SLC35F3: variants seen among roughly 807,000 people sequenced by gnomAD.
SLC35F3 encodes solute carrier family 35 member F3.
SLC35F3 carries 25 observed loss-of-function variants against 49.9 expected under a neutral mutation model. That is an observed-to-expected ratio of 0.50 (90% CI 0.37 to 0.70). SLC35F3 has a LOEUF of 0.70. SLC35F3 is among the 30% of genes least tolerant of loss of function. SLC35F3 has a pLI of 0.00. For missense variants in SLC35F3, 525 were observed against 639.8 expected, an observed-to-expected ratio of 0.82 and a Z score of 1.94; for synonymous variants, 275 against 265.4, an observed-to-expected ratio of 1.04 and a Z score of -0.35.
At position 234,106,417 on chromosome 1, in the gene SLC35F3, G is replaced by A. The variant is rs184058373; in HGVS notation, c.284-125000G>A. Among the ~76,000 whole-genome samples the A allele has an allele frequency of 7.7e-4, 117 of 152,348 alleles. No homozygotes were observed. In the East Asian group the frequency reaches 0.013, roughly 16 times the overall value. On this transcript the variant is annotated intron_variant, in intron 2 of 7. Coordinates refer to ENST00000366618, the MANE Select transcript of SLC35F3 (RefSeq NM_173508.4). The stretch of plus-strand genomic sequence containing the variant: ...GGTGGTTTAAACAACACACCTTTAT[G>A]TCTTCACAATTCTGGAGGCTGGAAG...
At chr1:234,195,888 A>G (rs547589259) in intron 2 of SLC35F3, among the ~76,000 whole-genome samples, 1 of 152,176 alleles carries the variant, frequency 6.6e-6, no homozygotes, top group African/African-American at 2.4e-5. Context: ...CCTGGCTTTC[A>G]TTCTCTCTCT....
chr1:234,103,900 A>C (rs1374346039), intron 2 of SLC35F3, among the ~76,000 whole-genome samples: 1 of 152,200 alleles, frequency 6.6e-6, no homozygotes, highest in East Asian at 1.9e-4. Flanking sequence ...CAAGTCATCC[A>C]CCGTGTTCTT....
rs142268994 is a variant in SLC35F3, at chr1:234,307,524, T to C, written c.609-1577T>C. Among the ~76,000 whole-genome samples, 65 of 152,360 alleles carry C rather than the reference T, an allele frequency of 4.3e-4. No homozygotes were observed. The East Asian group carries it at 0.012, about 27-fold the overall frequency. On this transcript the variant is annotated intron_variant, in intron 3 of 7. Coordinates refer to ENST00000366618, the MANE Select transcript of SLC35F3 (RefSeq NM_173508.4). ...AGGAAGACTAGACAGTAAAATTAAA[T>C]TTAAAATCTTACCCAATCCCCTTTG...
chr1:234,136,429 G>A (rs569790508), intron 2 of SLC35F3, among the ~76,000 whole-genome samples: 1 of 150,538 alleles, frequency 6.6e-6, no homozygotes, highest in Non-Finnish European at 1.5e-5. Flanking sequence ...TGGGCTGGCT[G>A]TGAACTTCTG....
intron 2 of SLC35F3, among the ~76,000 whole-genome samples, chr1:233,993,785 A>G (rs1413334989): frequency 6.6e-6 from 1 of 152,028 alleles, no homozygotes; most frequent in Non-Finnish European, 1.5e-5. Flanking sequence ...TGCACTGGTG[A>G]CTCTGTATCT....
intron 2 of SLC35F3, among the ~76,000 whole-genome samples, chr1:233,976,964 T>G (rs780192430): frequency 6.6e-6 from 1 of 152,246 alleles, no homozygotes; most frequent in Non-Finnish European, 1.5e-5. Context: ...GGTAGCCTTT[T>G]GACAATTGCT....
chr1:234,253,306 A>G (rs544395542), intron 3 of SLC35F3, among the ~76,000 whole-genome samples: 58 of 152,220 alleles, frequency 3.8e-4, no homozygotes, highest in African/African-American at 1.3e-3. Flanking sequence ...AGCCTGGGCA[A>G]CAAGAGCAAA....
At chr1:233,994,200 T>C (rs185099564) in intron 2 of SLC35F3, among the ~76,000 whole-genome samples, 9 of 152,304 alleles carry the variant, frequency 5.9e-5, no homozygotes, top group Admixed American at 3.9e-4. Flanking sequence ...TAATGATAGA[T>C]AGATAAAATC....
intron 3 of SLC35F3, among the ~76,000 whole-genome samples, chr1:234,268,238 C>T (rs1244486778): frequency 2.6e-5 from 4 of 152,150 alleles, no homozygotes; most frequent in Admixed American, 6.5e-5. Context: ...GGATCACTCG[C>T]GATTAGGAGC....
intron 2 of SLC35F3, among the ~76,000 whole-genome samples, chr1:234,188,501 G>C (rs866627533): frequency 2.6e-5 from 4 of 152,002 alleles, no homozygotes; most frequent in Non-Finnish European, 5.9e-5. Context: ...CAATTCTATT[G>C]ACCTGGAACC....
intron 2 of SLC35F3, among the ~76,000 whole-genome samples, chr1:234,169,191 G>C (rs1666361982): frequency 6.6e-6 from 1 of 152,140 alleles, no homozygotes; most frequent in Non-Finnish European, 1.5e-5. Context: ...TCGGTGGATT[G>C]GAGGATGCCC....
intron 2 of SLC35F3, among the ~76,000 whole-genome samples, chr1:234,065,815 T>C (rs1361354104): frequency 6.6e-6 from 1 of 152,232 alleles, no homozygotes; most frequent in African/African-American, 2.4e-5. Context: ...TTTAGATGAG[T>C]GTACTTCCAT....
intron 2 of SLC35F3, among the ~76,000 whole-genome samples, chr1:234,051,843 G>T (rs187118190): frequency 6.6e-6 from 1 of 152,086 alleles, no homozygotes; most frequent in Non-Finnish European, 1.5e-5. Flanking sequence ...AGAGTTTTTC[G>T]CATGAAGCAC....
intron 2 of SLC35F3, among the ~76,000 whole-genome samples, chr1:233,982,842 A>G (rs1663207841): frequency 6.6e-6 from 1 of 152,150 alleles, no homozygotes. Flanking sequence ...CCTGTTAGAA[A>G]TTTTTAGCTG....
At chr1:233,977,700 A>G (rs1473348343) in intron 2 of SLC35F3, among the ~76,000 whole-genome samples, 1 of 152,242 alleles carries the variant, frequency 6.6e-6, no homozygotes, top group Non-Finnish European at 1.5e-5. Flanking sequence ...TATGGCATCA[A>G]GTCTGTCTTG....
rs559559903 is a variant in SLC35F3, at chr1:234,186,558, A to G, written c.284-44859A>G. Among the ~76,000 whole-genome samples, 9 of 152,278 alleles carry G rather than the reference A, an allele frequency of 5.9e-5. No homozygotes were observed. In the East Asian group the frequency reaches 9.6e-4, roughly 16 times the overall value. ...CCAACCTGGCACCTCATTTGAGGTG[A>G]GATGTGACATGTGCCCTGAGACTCT... On this transcript the variant is annotated intron_variant, in intron 2 of 7. Transcript: ENST00000366618.
chr1:233,923,976 G>C (rs1036117367), intron 2 of SLC35F3, among the ~76,000 whole-genome samples: 23 of 152,150 alleles, frequency 1.5e-4, no homozygotes, highest in African/African-American at 5.6e-4. Flanking sequence ...AACAAGCCTT[G>C]CTTCCCAGGG....
chr1:234,161,739 G>A (rs928198042), intron 2 of SLC35F3, among the ~76,000 whole-genome samples: 2 of 152,186 alleles, frequency 1.3e-5, no homozygotes, highest in Non-Finnish European at 2.9e-5. Flanking sequence ...CTGGGAGGTT[G>A]AAGCTGCAGC....
chr1:234,130,596 G>A (rs12060672), intron 2 of SLC35F3, among the ~76,000 whole-genome samples: 2,662 of 149,522 alleles, frequency 0.018, 76 homozygotes, highest in African/African-American at 0.063. Context: ...CCGAGAGATC[G>A]TGCCACTGCA....
Sources: gnomAD v4.1 joint callset for allele counts (sites outside exome capture counted in the v4.1 genomes callset) on GRCh38, gnomAD v4.1.1 for gene constraint, MANE v1.5 for transcripts, NCBI Gene and HGNC (gene_info 2026-07-23, HGNC 2026-07-21) for gene names.